LARP1: variants seen among roughly 807,000 people sequenced by gnomAD.
LARP1 encodes the protein La ribonucleoprotein 1, translational regulator.
In LARP1, 36 loss-of-function variants were observed where a neutral mutation model predicts 122.7. The ratio of observed to expected loss-of-function variants is 0.29; its 90% CI spans 0.22 to 0.39. The LOEUF is 0.39. Among genes scored for constraint, LARP1 ranks in the 10% least tolerant of loss-of-function variants. LARP1 has a pLI of 1.00. For synonymous variants in LARP1, 539 were observed against 528.7 expected (o/e 1.02, Z -0.27); for missense variants, 1,040 against 1,403.6 (o/e 0.74, Z 4.14).
In LARP1 at chr5:154,793,956, G is replaced by A. The variant is rs201269394; in HGVS notation, c.1025G>A (p.Arg342Gln). 1.7e-4 allele frequency: 270 copies of A among 1,612,528 alleles called. 1 individual carries two copies. The highest frequency in any genetic ancestry group is 1.1e-5 in the South Asian group (1 of 91,040). The change falls in exon 6 of 19, where the codon CGG (arginine) becomes CAG (glutamine). Residue 342 changes from arginine (R) to glutamine (Q), a missense_variant. Arg to Gln is a conservative substitution (Grantham distance 43). Around this residue, in one of 8 missense-constraint regions of LARP1, gnomAD observed 178 missense variants for 178.3 expected, o/e 1.00. Transcript: ENST00000518297. ...CGGGCTTCCTTCCGTGGCCGTGGAC[G>A]GGGGCGTGGTCGCGGCCGGGGACGC... ...GARASFRGRGRGRGRGRGRGR... is the reference protein window; with the variant it reads ...GARASFRGRGQGRGRGRGRGR...
chr5:154,791,753 G>A (rs767067182), intron 3 of LARP1, among the ~76,000 whole-genome samples: 13 of 152,114 alleles, frequency 8.5e-5, no homozygotes, highest in Non-Finnish European at 1.6e-4. Flanking sequence ...TTGGCCTTCC[G>A]TGTATGCAGG....
chr5:154,814,201 G>T lies in LARP1; in HGVS notation c.*105G>T. ...AGGGGACAATGAAGGGACAGGCCTG[G>T]AGTTACTAGGACAGGCCTTTGTGCT... On this transcript the variant is annotated 3_prime_UTR_variant, in exon 19 of 19. Coordinates refer to ENST00000518297, the MANE Select transcript of LARP1 (RefSeq NM_033551.3). The T allele has an allele frequency of 8.7e-7, 1 of 1,148,928 alleles. No individual in the cohort carries two copies. Among genetic ancestry groups the T allele is most frequent in the South Asian group, 1.4e-5 (1 of 69,800 alleles). The allele number at this position is 1,148,928 out of a possible 1,614,324, so 71.2% of individuals were successfully genotyped here.
At position 154,811,268 on chromosome 5, in the gene LARP1, T is replaced by C; in HGVS notation, c.2865T>C (p.Phe955=). The C allele has an allele frequency of 6.2e-7, 1 of 1,614,198 alleles. No individual in the cohort carries two copies. Among genetic ancestry groups the C allele is most frequent in the Middle Eastern group, 1.6e-4 (1 of 6,062 alleles). ...EGYRYGLECL[F]RYYSYGLEKK... is the part of the protein sequence containing the mutation. ...ACAGATATGGTTTGGAGTGCCTTTT[T>C]CGATACTACAGTTATGGCCTGGAAA... The change falls in exon 17 of 19, where the codon TTT becomes TTC. Residue 955 remains phenylalanine, a synonymous_variant. Coordinates refer to ENST00000518297, the MANE Select transcript of LARP1 (RefSeq NM_033551.3).
At chr5:154,703,449 A>G (rs906383971) in intron 1 of LARP1, among the ~76,000 whole-genome samples, 4 of 151,848 alleles carry the variant, frequency 2.6e-5, no homozygotes, top group Admixed American at 2.0e-4. Context: ...TTTGTAATCT[A>G]TGCTCATTTA....
intron 1 of LARP1, among the ~76,000 whole-genome samples, chr5:154,741,471 G>A (rs1210995818): frequency 6.6e-6 from 1 of 152,210 alleles, no homozygotes. Context: ...GTTGTGATCT[G>A]TGCTATGGAG....
intron 1 of LARP1, among the ~76,000 whole-genome samples, chr5:154,763,538 G>A (rs1366011581): frequency 6.6e-6 from 1 of 151,844 alleles, no homozygotes; most frequent in African/African-American, 2.4e-5. Context: ...CAGCACTTTG[G>A]GAGACCGAGA....
At position 154,803,995 on chromosome 5, in the gene LARP1, C is replaced by T. The variant is rs1173352358; in HGVS notation, c.2440-206C>T. ...CAGGTATGAGTCCTTGGGCAAATCA[C>T]TGCATTCCCAAACCTTGATTTCTTC... On this transcript the variant is annotated intron_variant, in intron 13 of 18. Transcript: ENST00000518297. This position sits in a 1 kb window ranked among gnomAD's most constrained non-coding sequence, Gnocchi z 4.4. Among the ~76,000 whole-genome samples, 2 of 152,192 alleles carry T rather than the reference C, an allele frequency of 1.3e-5. No individual in the cohort carries two copies. Among genetic ancestry groups the T allele is most frequent in the Non-Finnish European group, 2.9e-5 (2 of 68,030 alleles).
chr5:154,792,011 C>T (rs2113775626), intron 3 of LARP1: 1 of 455,424 alleles, frequency 2.2e-6, no homozygotes, highest in East Asian at 7.0e-5. Flanking sequence ...GATTGGAAGT[C>T]AGGTGTGTTG....
intron 1 of LARP1, among the ~76,000 whole-genome samples, chr5:154,788,407 A>G (rs967465895): frequency 6.6e-6 from 1 of 152,190 alleles, no homozygotes; most frequent in Non-Finnish European, 1.5e-5. Flanking sequence ...GGTGGAAGCC[A>G]GGAGAGCAGT....
chr5:154,790,199 G>GTGT (rs1757231982), intron 1 of LARP1, 126 bp from the exon 2 acceptor site: 1 of 704,520 alleles, frequency 1.4e-6, no homozygotes, highest in South Asian at 2.0e-5. Context: ...CCTCTCTACT[G>GTGT]TGTCTTTCTC....
At chr5:154,739,042 G>A (rs993845069) in intron 1 of LARP1, among the ~76,000 whole-genome samples, 13 of 152,178 alleles carry the variant, frequency 8.5e-5, no homozygotes, top group African/African-American at 2.7e-4. Flanking sequence ...TTGAGACAGA[G>A]TCTTGCTCTG....
At chr5:154,763,045 G>A (rs938727467) in intron 1 of LARP1, among the ~76,000 whole-genome samples, 13 of 149,278 alleles carry the variant, frequency 8.7e-5, no homozygotes, top group Admixed American at 6.0e-4. Context: ...GTGATCTGCT[G>A]AGCAGATGCT....
chr5:154,692,869 C>T (rs879861508), intron 1 of LARP1, among the ~76,000 whole-genome samples: 3 of 152,130 alleles, frequency 2.0e-5, no homozygotes, highest in Non-Finnish European at 4.4e-5. Context: ...TTGTTACATA[C>T]AAGCAGGTGT....
At chr5:154,804,113 T>C in intron 13 of LARP1, 88 bp from the exon 14 acceptor site, 1 of 918,844 alleles carries the variant, frequency 1.1e-6, no homozygotes, top group South Asian at 1.4e-5. Flanking sequence ...ATGTGAGAGA[T>C]CATGCCCATC....
chr5:154,795,088 C>T, intron 7 of LARP1, 87 bp from the exon 8 acceptor site: 3 of 1,298,008 alleles, frequency 2.3e-6, no homozygotes, highest in Non-Finnish European at 1.1e-6. Context: ...TGTGAGATTG[C>T]TGGGGTGTGT....
At chr5:154,715,606 T>C (rs1755456324) in intron 1 of LARP1, among the ~76,000 whole-genome samples, 3 of 152,100 alleles carry the variant, frequency 2.0e-5, no homozygotes. Context: ...TCCTAAACGT[T>C]TTCCTTGGTA....
rs1032345412 is a variant in LARP1, at chr5:154,713,139, T to A, written c.205+9T>A. On this transcript the variant is annotated intron_variant, in intron 1 of 18. Transcript: ENST00000336314. ...CCCCTTCAGCAACCCTGGTGAGTCC[T>A]AGCACTCTGCGTTTCTTGAACCTCA... 3.1e-6 allele frequency: 5 copies of A among 1,606,996 alleles called. No individual in the cohort carries two copies. In the African/African-American group the frequency reaches 5.4e-5, roughly 17 times the overall value.
At chr5:154,709,294 T>G (rs1755099981), upstream of LARP1, among the ~76,000 whole-genome samples, 1 of 152,224 alleles carries the variant, frequency 6.6e-6, no homozygotes, top group African/African-American at 2.4e-5. Flanking sequence ...AATAATTGCT[T>G]CTGCTCTTCA....
chr5:154,812,438 G>A (rs1477577021), intron 18 of LARP1, among the ~76,000 whole-genome samples: 1 of 151,838 alleles, frequency 6.6e-6, no homozygotes, highest in East Asian at 1.9e-4. Flanking sequence ...TTGGCAGAAG[G>A]GGAAGCAAAT....
Sources: allele counts gnomAD v4.1 joint callset (sites outside exome capture counted in the v4.1 genomes callset), GRCh38; gene constraint gnomAD v4.1.1; regional missense constraint gnomAD v4.1.1; non-coding constraint Gnocchi (gnomAD v3.1); transcripts MANE v1.5; gene names NCBI Gene and HGNC (gene_info 2026-07-23, HGNC 2026-07-21).